CEP63: variants seen among roughly 807,000 people sequenced by gnomAD.
CEP63 encodes the protein centrosomal protein of 63 kDa.
In CEP63, 84 loss-of-function variants were observed where a neutral mutation model predicts 89.1. That is an observed-to-expected ratio of 0.94 (90% CI 0.79 to 1.13). The LOEUF (loss-of-function observed/expected upper bound fraction) is 1.13, where lower values mean the gene tolerates loss of function less well. Ranked by LOEUF, CEP63 falls within the 50% of genes most tolerant of loss-of-function variation. The pLI is 0.00. For missense variants in CEP63, 838 were observed against 813.3 expected (o/e 1.03, Z -0.37); for synonymous variants, 267 against 272.5 (o/e 0.98, Z 0.20).
the CEP63 span, among the ~76,000 whole-genome samples, chr3:134,652,394 G>C: frequency 6.6e-6 from 1 of 152,080 alleles, no homozygotes; most frequent in Admixed American, 6.5e-5. Context: ...AATAACAGTG[G>C]CTCAGAGTTT....
At chr3:134,725,062 T>C in the CEP63 span, among the ~76,000 whole-genome samples, 1 of 140,248 alleles carries the variant, frequency 7.1e-6, no homozygotes, top group South Asian at 2.3e-4. Flanking sequence ...TATGGAAACA[T>C]TAATCAAAGA....
At chr3:134,508,840 A>G (rs1255950316) in intron 3 of CEP63, among the ~76,000 whole-genome samples, 1 of 152,158 alleles carries the variant, frequency 6.6e-6, no homozygotes, top group African/African-American at 2.4e-5. Context: ...TTAATTTGCT[A>G]CTTCATTGAT....
At chr3:134,643,248 G>T in the CEP63 span, 3 of 1,486,886 alleles carry the variant, frequency 2.0e-6, no homozygotes, top group African/African-American at 1.4e-5. Flanking sequence ...CTGGGCTGTC[G>T]CTGGCCAGAG....
the CEP63 span, among the ~76,000 whole-genome samples, chr3:134,631,657 G>T: frequency 6.6e-6 from 1 of 152,036 alleles, no homozygotes; most frequent in Non-Finnish European, 1.5e-5. Context: ...AATATTCATT[G>T]TAATAGATTA....
intron 3 of CEP63, among the ~76,000 whole-genome samples, chr3:134,530,381 TC>T (rs931231114): frequency 1.1e-4 from 16 of 152,350 alleles, no homozygotes; most frequent in African/African-American, 3.1e-4. Flanking sequence ...AAGCCTTTTT[TC>T]ATGTTTATTG....
At chr3:134,703,396 C>A in the CEP63 span, among the ~76,000 whole-genome samples, 1 of 151,422 alleles carries the variant, frequency 6.6e-6, no homozygotes, top group African/African-American at 2.4e-5. Context: ...CAATGATAGA[C>A]TGGATAAGGG....
At position 134,550,057 on chromosome 3, in the gene CEP63, T is replaced by G. The variant is rs760106383; in HGVS notation, c.1183-6T>G. The G allele has an allele frequency of 4.4e-6, 7 of 1,608,838 alleles. No homozygotes were observed. The South Asian group carries it at 6.6e-5, about 15-fold the overall frequency. On this transcript the variant is annotated splice_region_variant and splice_polypyrimidine_tract_variant and intron_variant, in intron 10 of 14. Transcript: ENST00000675561. ...TTTTGGTGCTTTCTTTTCTGCTTCTTTATAGTTGAAAGAACAGATTTTACA... is the reference window on the plus strand; with the variant it reads ...TTTTGGTGCTTTCTTTTCTGCTTCTGTATAGTTGAAAGAACAGATTTTACA...
chr3:134,651,351 C>T, the CEP63 span: 4 of 1,149,524 alleles, frequency 3.5e-6, no homozygotes, highest in Non-Finnish European at 4.3e-6. Context: ...GCTGCCTCAT[C>T]CCCACGGTCT....
chr3:134,683,349 A>G, the CEP63 span, among the ~76,000 whole-genome samples: 1 of 152,236 alleles, frequency 6.6e-6, no homozygotes, highest in Non-Finnish European at 1.5e-5. Flanking sequence ...ATACAACTTC[A>G]GAGCTGGAAG....
At chr3:134,699,813 T>G in the CEP63 span, among the ~76,000 whole-genome samples, 1 of 152,254 alleles carries the variant, frequency 6.6e-6, no homozygotes, top group Non-Finnish European at 1.5e-5. Context: ...ATGTGGATCA[T>G]TAACAGATGT....
chr3:134,580,305 TGTGG>T (rs1458247726), intron 10 of CEP63, among the ~76,000 whole-genome samples: 1 of 152,188 alleles, frequency 6.6e-6, no homozygotes, highest in Non-Finnish European at 1.5e-5. Context: ...TGCCTGGGGC[TGTGG>T]GTGGGTATGT....
chr3:134,749,653 G>A, the CEP63 span, among the ~76,000 whole-genome samples: 4 of 119,846 alleles, frequency 3.3e-5, no homozygotes, highest in African/African-American at 9.4e-5. Flanking sequence ...CCTCCCCACC[G>A]CTTTGCAACT....
chr3:134,775,217 G>A, the CEP63 span, among the ~76,000 whole-genome samples: 4 of 152,264 alleles, frequency 2.6e-5, no homozygotes, highest in East Asian at 1.9e-4. Flanking sequence ...TCTCGTTCAC[G>A]TGATTTAGTG....
chr3:134,729,998 G>T, the CEP63 span, among the ~76,000 whole-genome samples: 37 of 152,292 alleles, frequency 2.4e-4, 1 homozygote, highest in South Asian at 7.7e-3. Context: ...TCTAAAAGGA[G>T]AGCACGCATT....
intron 3 of CEP63, among the ~76,000 whole-genome samples, chr3:134,528,330 A>G (rs190562097): frequency 1.3e-5 from 2 of 152,164 alleles, no homozygotes; most frequent in Admixed American, 1.3e-4. Context: ...CTAGTCAGCC[A>G]TCTTGCCCTC....
At chr3:134,567,295 A>G (rs1476890736), downstream of CEP63, among the ~76,000 whole-genome samples, 1 of 152,010 alleles carries the variant, frequency 6.6e-6, no homozygotes, top group African/African-American at 2.4e-5. Flanking sequence ...TGGGGATAGG[A>G]GGATTGGGAG....
the CEP63 span, among the ~76,000 whole-genome samples, chr3:134,749,765 T>C: frequency 9.8e-6 from 1 of 101,848 alleles, no homozygotes; most frequent in African/African-American, 3.5e-5. Context: ...TAAAGTGGGA[T>C]GATAAAATGA....
At chr3:134,604,953 G>T in the CEP63 span, among the ~76,000 whole-genome samples, 3 of 152,148 alleles carry the variant, frequency 2.0e-5, no homozygotes, top group Non-Finnish European at 2.9e-5. Context: ...TAGTGAGAAT[G>T]GCTTCACTCC....
the CEP63 span, among the ~76,000 whole-genome samples, chr3:134,652,795 A>C: frequency 3.7e-4 from 57 of 152,110 alleles, no homozygotes; most frequent in African/African-American, 1.3e-3. Flanking sequence ...CCCCCCAACT[A>C]CCCTGGGCCA....
Sources: allele counts gnomAD v4.1 joint callset (sites outside exome capture counted in the v4.1 genomes callset), GRCh38; gene constraint gnomAD v4.1.1; transcripts MANE v1.5; gene names NCBI Gene and HGNC (gene_info 2026-07-23, HGNC 2026-07-21).